The following EIF3F variants were observed in gnomAD, a reference collection of about 807,000 sequenced individuals.
EIF3F encodes the protein eukaryotic translation initiation factor 3 subunit F.
A neutral mutation model predicts 36.0 loss-of-function variants in EIF3F; 8 were observed. The observed-to-expected ratio is 0.22, with a 90% CI of 0.13 to 0.40. The LOEUF is 0.40. EIF3F is among the 10% of genes least tolerant of loss of function. The pLI, the probability that EIF3F is intolerant of heterozygous loss-of-function variation, is 1.00. For synonymous variants in EIF3F, 184 were observed against 188.5 expected (o/e 0.98, Z 0.19); for missense variants, 430 against 467.6 (o/e 0.92, Z 0.74).
chr11:7,993,283 G>A (rs1463861934), intron 4 of EIF3F, among the ~76,000 whole-genome samples: 3 of 152,166 alleles, frequency 2.0e-5, no homozygotes, highest in African/African-American at 4.8e-5. Context: ...GTCATCTTTT[G>A]TAGGACCTAA....
chr11:7,995,850 T>A (rs144013724), intron 7 of EIF3F, 95 bp from the exon 8 acceptor site: 1 of 940,360 alleles, frequency 1.1e-6, no homozygotes, highest in African/African-American at 1.6e-5. Flanking sequence ...ACAGCTGTCC[T>A]CATACCCAGT....
intron 1 of EIF3F, among the ~76,000 whole-genome samples, chr11:7,990,410 A>G (rs1166180365): frequency 1.3e-5 from 2 of 151,660 alleles, no homozygotes; most frequent in Middle Eastern, 3.2e-3. Flanking sequence ...GAAAGCAGCC[A>G]TAAAAAAATT....
intron 4 of EIF3F, among the ~76,000 whole-genome samples, chr11:7,993,786 C>T (rs901157958): frequency 2.6e-5 from 4 of 152,012 alleles, no homozygotes; most frequent in African/African-American, 9.7e-5. Flanking sequence ...CTAGCCATTG[C>T]CTGACTTCTT....
rs773439101 is a variant in EIF3F, at chr11:8,001,825, AT to A, written c.*5804del. On this transcript the variant is annotated 3_prime_UTR_variant, in exon 8 of 8. Coordinates refer to ENST00000651655, the MANE Select transcript of EIF3F (RefSeq NM_003754.3). ...GCTGTTAATGTAATTTTTCAAAAAA[AT>A]ATATAAAAATATAAAAACATGAAAA... 2.6e-5 allele frequency: 4 copies of A among 152,292 alleles called. No individual in the cohort carries two copies. Among genetic ancestry groups the A allele is most frequent in the African/African-American group, 7.2e-5 (3 of 41,564 alleles). The allele number at this position is 152,292 out of a possible 1,614,324, so 9.4% of individuals were successfully genotyped here. A position where few individuals can be genotyped will look rare whatever the true frequency, so the allele number is the denominator to read the frequency against.
Position 7,999,194 on chromosome 11 carries a change from G to C in EIF3F, c.*3172G>C, listed in dbSNP as rs1295985576. The C allele has an allele frequency of 1.3e-5, 2 of 152,264 alleles. No homozygotes were observed. The highest frequency in any genetic ancestry group is 4.8e-5 in the African/African-American group (2 of 41,450). The allele number at this position is 152,264 out of a possible 1,614,324, so 9.4% of individuals were successfully genotyped here. A position where few individuals can be genotyped will look rare whatever the true frequency, so the allele number is the denominator to read the frequency against. ...CTGAGGCAGGAGAATCTCGAACCCA[G>C]GAGGTAGGGGTTGCAGTGAGCTGAG... On this transcript the variant is annotated 3_prime_UTR_variant, in exon 8 of 8. Transcript: ENST00000651655.
intron 4 of EIF3F, among the ~76,000 whole-genome samples, chr11:7,993,804 C>T (rs1942127420): frequency 6.6e-6 from 1 of 151,442 alleles, no homozygotes; most frequent in Admixed American, 6.6e-5. Context: ...CTTAACCTTC[C>T]CAGGTATTTC....
intron 1 of EIF3F, 97 bp from the exon 2 acceptor site, chr11:7,991,684 T>C: frequency 8.5e-7 from 1 of 1,175,434 alleles, no homozygotes; most frequent in Non-Finnish European, 1.3e-6. Context: ...AGGTGTTCAT[T>C]GACATTGAAG....
chr11:7,995,902 T>C, intron 7 of EIF3F, 43 bp from the exon 8 acceptor site: 2 of 1,587,776 alleles, frequency 1.3e-6, no homozygotes, highest in East Asian at 2.2e-5. Context: ...TTTGCTCCCT[T>C]TCCACCCAAC....
chr11:7,995,866 C>T (rs1202015479), intron 7 of EIF3F, 79 bp from the exon 8 acceptor site: 2 of 1,144,594 alleles, frequency 1.7e-6, no homozygotes, highest in Admixed American at 1.7e-5. Context: ...CCAGTGTCTA[C>T]CATAGAGCTG....
At position 7,991,909 on chromosome 11, in the gene EIF3F, C is replaced by A. The variant is rs557065077; in HGVS notation, c.435+58C>A. On this transcript the variant is annotated intron_variant, in intron 2 of 7. Coordinates refer to ENST00000651655, the MANE Select transcript of EIF3F (RefSeq NM_003754.3). ...TTTTAGCTGTTCATTTGCTCGGCTC[C>A]CCTCACGGTCCCTCCCACACTCATA... 8.9e-6 allele frequency: 14 copies of A among 1,579,866 alleles called. No individual in the cohort carries two copies. The African/African-American group carries it at 1.6e-4, about 17-fold the overall frequency.
chr11:8,001,298 A>G lies in EIF3F; in HGVS notation c.*5276A>G, dbSNP rs572209750. On this transcript the variant is annotated 3_prime_UTR_variant, in exon 8 of 8. Transcript: ENST00000651655. Reference sequence around the variant, plus strand: ...TGCTGGTAGACATATAAGTTGGTACAGCCCTCTCTATGTAATTTTGTGTTT... The same window carrying G: ...TGCTGGTAGACATATAAGTTGGTACGGCCCTCTCTATGTAATTTTGTGTTT... 6.6e-6 allele frequency: 1 copy of G among 152,258 alleles called. No homozygotes were observed. Among genetic ancestry groups the G allele is most frequent in the Non-Finnish European group, 1.5e-5 (1 of 68,044 alleles). 9.4% of individuals were successfully genotyped at this position (152,258 alleles called of 1,614,324 possible).
intron 4 of EIF3F, 60 bp downstream of exon 4, chr11:7,993,084 A>C (rs1942116288): frequency 6.7e-7 from 1 of 1,492,520 alleles, no homozygotes; most frequent in South Asian, 1.4e-5. Flanking sequence ...TCCCTCCCCC[A>C]CCCCAAGCAA....
At position 7,987,436 on chromosome 11, in the gene EIF3F, G is replaced by T. The variant is rs1483183027; in HGVS notation, c.84G>T (p.Ala28=). 5 of 1,602,386 alleles carry T rather than the reference G, an allele frequency of 3.1e-6. No individual in the cohort carries two copies. Among genetic ancestry groups the T allele is most frequent in the African/African-American group, 1.3e-5 (1 of 74,804 alleles). The change falls in exon 1 of 8, where the codon GCG becomes GCT. Residue 28 remains alanine, a synonymous_variant. Transcript: ENST00000651655. ...CGGCGGCCCCAGCCTCAGTTCCAGC[G>T]CCAACGCCAGCACCGGCTGCGGCTC... ...VPAAAPASVP[A]PTPAPAAAPV...
chr11:7,991,769 T>C lies in EIF3F; in HGVS notation c.365-12T>C. 3 of 1,614,068 alleles carry C rather than the reference T, an allele frequency of 1.9e-6. No homozygotes were observed. The highest frequency in any genetic ancestry group is 2.5e-6 in the Non-Finnish European group (3 of 1,179,950). On this transcript the variant is annotated splice_polypyrimidine_tract_variant and intron_variant, in intron 1 of 7. Transcript: ENST00000651655. ...GGATTATATAACACATGGACGATTCTCTCTTTCACAGGAACTGTCGACAAA... is the reference window on the plus strand; with the variant it reads ...GGATTATATAACACATGGACGATTCCCTCTTTCACAGGAACTGTCGACAAA...
At chr11:7,994,777 C>T in intron 5 of EIF3F, 2 of 759,786 alleles carry the variant, frequency 2.6e-6, no homozygotes, top group Non-Finnish European at 4.2e-6. Flanking sequence ...ATGAGCATAC[C>T]AGGTAAAAGG....
chr11:7,995,031 C>T lies in EIF3F; in HGVS notation c.795C>T (p.Leu265=). 6.2e-7 allele frequency: 1 copy of T among 1,613,916 alleles called. No individual in the cohort carries two copies. Among genetic ancestry groups the T allele is most frequent in the Non-Finnish European group, 8.5e-7 (1 of 1,179,872 alleles). ...TCFSPNRVIG[L]SSDLQQVGGA... ...TTAGCCCCAACAGAGTGATTGGACT[C>T]TCAAGTGACTTGCAGCAAGTAGGAG... The change falls in exon 6 of 8, where the codon CTC becomes CTT. Residue 265 remains leucine, a synonymous_variant. Coordinates refer to ENST00000651655, the MANE Select transcript of EIF3F (RefSeq NM_003754.3).
intron 1 of EIF3F, among the ~76,000 whole-genome samples, chr11:7,990,904 A>AAAT (rs1942085192): frequency 7.4e-6 from 1 of 134,550 alleles, no homozygotes; most frequent in Non-Finnish European, 1.7e-5. Context: ...AATAAATAAA[A>AAAT]GAAATACAGC....
chr11:8,001,287 T>G lies in EIF3F; in HGVS notation c.*5265T>G, dbSNP rs1232748535. The G allele has an allele frequency of 6.6e-6, 1 of 152,218 alleles. No homozygotes were observed. The highest frequency in any genetic ancestry group is 1.5e-5 in the Non-Finnish European group (1 of 68,026). The allele number at this position is 152,218 out of a possible 1,614,324, so 9.4% of individuals were successfully genotyped here. On this transcript the variant is annotated 3_prime_UTR_variant, in exon 8 of 8. Coordinates refer to ENST00000651655, the MANE Select transcript of EIF3F (RefSeq NM_003754.3). The stretch of plus-strand genomic sequence containing the variant: ...CAGGCACAGATTGCTGGTAGACATA[T>G]AAGTTGGTACAGCCCTCTCTATGTA...
intron 1 of EIF3F, among the ~76,000 whole-genome samples, chr11:7,989,015 C>G (rs1044866823): frequency 1.3e-5 from 2 of 152,196 alleles, no homozygotes; most frequent in Admixed American, 1.3e-4. Context: ...TCAGACCAAG[C>G]TTTTGCGTTC....
Sources: gnomAD v4.1 joint callset for allele counts (sites outside exome capture counted in the v4.1 genomes callset) on GRCh38, gnomAD v4.1.1 for gene constraint, MANE v1.5 for transcripts, NCBI Gene and HGNC (gene_info 2026-07-23, HGNC 2026-07-21) for gene names.